NOMO1: variants seen among roughly 807,000 people sequenced by gnomAD.
NOMO1 encodes nodal modulator 3.
NOMO1 carries 40 observed loss-of-function variants against 133.8 expected under a neutral mutation model. The observed-to-expected ratio is 0.30, with a 90% CI of 0.23 to 0.39. The LOEUF (loss-of-function observed/expected upper bound fraction) is 0.39. Among genes scored for constraint, NOMO1 ranks in the 10% least tolerant of loss-of-function variants. NOMO1 has a pLI of 1.00. For synonymous variants in NOMO1, 236 were observed against 570.5 expected (o/e 0.41, Z 8.36); for missense variants, 462 against 1,419.9 (o/e 0.33, Z 10.84).
intron 28 of NOMO1, among the ~76,000 whole-genome samples, chr16:14,887,811 T>TA (rs774125441): frequency 3.9e-5 from 6 of 152,004 alleles, no homozygotes; most frequent in Non-Finnish European, 7.4e-5. Flanking sequence ...TTTAAGGAAA[T>TA]ACAGTTTCCT....
chr16:14,877,634 G>A (rs62038480), intron 22 of NOMO1, among the ~76,000 whole-genome samples: 26,583 of 148,518 alleles, frequency 0.18, 1 homozygote, highest in Non-Finnish European at 0.2. Context: ...TGCAAGTAAC[G>A]CAGGTGACTA....
chr16:14,893,513 C>A (rs1014480990), intron 29 of NOMO1, among the ~76,000 whole-genome samples: 15 of 151,988 alleles, frequency 9.9e-5, no homozygotes, highest in African/African-American at 3.6e-4. Context: ...TAAGTGTTTA[C>A]TTCAGTGGAA....
At position 14,887,630 on chromosome 16, in the gene NOMO1, G is replaced by A. The variant is rs1298176203; in HGVS notation, c.3324+768G>A. 3.9e-5 allele frequency among the ~76,000 whole-genome samples: 6 copies of A among 152,004 alleles called. No homozygotes were observed. The East Asian group carries it at 1.2e-3, about 29-fold the overall frequency. Reference sequence around the variant, plus strand: ...TTTCATACTATGATTTTTATGGACAGTAGTCCATAAACTAGGAAACGCCAT... The same window carrying A: ...TTTCATACTATGATTTTTATGGACAATAGTCCATAAACTAGGAAACGCCAT... On this transcript the variant is annotated intron_variant, in intron 28 of 30. Transcript: ENST00000287667.
At chr16:14,889,023 C>A (rs1352319526) in intron 28 of NOMO1, 73 bp from the exon 29 acceptor site, 1 of 1,610,336 alleles carries the variant, frequency 6.2e-7, no homozygotes, top group East Asian at 2.2e-5. Context: ...CACAGCCATA[C>A]GTTAGGTTTT....
intron 29 of NOMO1, 77 bp downstream of exon 29, chr16:14,889,292 G>A: frequency 1.2e-6 from 2 of 1,611,130 alleles, no homozygotes; most frequent in African/African-American, 2.7e-5. Flanking sequence ...AGCACTTTGG[G>A]AGGCCAAGGC....
chr16:14,888,243 A>G lies in NOMO1; in HGVS notation c.3325-853A>G, dbSNP rs1307344726. On this transcript the variant is annotated intron_variant, in intron 28 of 30. Transcript: ENST00000287667. The stretch of plus-strand genomic sequence containing the variant: ...GCCTTTCTCTGTGGAAAATGGCTGC[A>G]AAATAATGAAACAGGCTGTCACGGA... 9.9e-5 allele frequency: 15 copies of G among 151,846 alleles called. No homozygotes were observed. In the Middle Eastern group the frequency reaches 0.017, roughly 173 times the overall value. 9.4% of individuals were successfully genotyped at this position (151,846 alleles called of 1,614,324 possible). A position where few individuals can be genotyped will look rare whatever the true frequency, so the allele number is the denominator to read the frequency against.
At chr16:14,892,850 C>A (rs931904275) in intron 29 of NOMO1, among the ~76,000 whole-genome samples, 1 of 144,696 alleles carries the variant, frequency 6.9e-6, no homozygotes, top group Admixed American at 7.1e-5. Context: ...TGTCTCAAGC[C>A]ACATGGTTTC....
At chr16:14,856,875 G>A (rs901467442) in intron 9 of NOMO1, among the ~76,000 whole-genome samples, 1 of 151,878 alleles carries the variant, frequency 6.6e-6, no homozygotes, top group South Asian at 2.1e-4. Flanking sequence ...GGAGGAAGAC[G>A]TGGTTCACCA....
At chr16:14,836,417 C>T (rs1330399221) in intron 1 of NOMO1, among the ~76,000 whole-genome samples, 4 of 152,098 alleles carry the variant, frequency 2.6e-5, no homozygotes, top group Admixed American at 2.6e-4. Context: ...TGTACATCTT[C>T]TTAGCTGGTG....
Position 14,838,588 on chromosome 16 carries a change from G to A in NOMO1, c.255+92G>A, listed in dbSNP as rs995205099. ...CATGCCCTTTCCTACACTAGCAAAT[G>A]CTCATCTGTTTTGTAAATTATTAGT... On this transcript the variant is annotated intron_variant, in intron 2 of 30. Coordinates refer to ENST00000287667, the MANE Select transcript of NOMO1 (RefSeq NM_014287.4). 1.9e-5 allele frequency: 28 copies of A among 1,492,042 alleles called. No individual in the cohort carries two copies. The African/African-American group carries it at 3.9e-4, about 21-fold the overall frequency. The allele number at this position is 1,492,042 out of a possible 1,614,324, so 92.4% of individuals were successfully genotyped here. A position where few individuals can be genotyped will look rare whatever the true frequency, so the allele number is the denominator to read the frequency against.
intron 24 of NOMO1, among the ~76,000 whole-genome samples, 177 bp downstream of exon 24, chr16:14,880,319 C>CT: frequency 1.3e-5 from 2 of 150,256 alleles, no homozygotes; most frequent in Admixed American, 1.3e-4. Flanking sequence ...GGAGCTCAAC[C>CT]TGGTGGTTCA....
At chr16:14,846,491 C>G in intron 4 of NOMO1, 86 bp from the exon 5 acceptor site, 1 of 572,168 alleles carries the variant, frequency 1.7e-6, no homozygotes, top group South Asian at 2.1e-5. Context: ...TTCCTGGGCT[C>G]CACCTGGGAG....
chr16:14,851,769 A>G, intron 6 of NOMO1, among the ~76,000 whole-genome samples: 1 of 61,780 alleles, frequency 1.6e-5, no homozygotes, highest in East Asian at 3.5e-4. Context: ...AAAATATGTA[A>G]GGAGGCAGCT....
intron 16 of NOMO1, 21 bp downstream of exon 16, chr16:14,868,656 G>A (rs1202550063): frequency 5.3e-6 from 8 of 1,506,806 alleles, no homozygotes; most frequent in Non-Finnish European, 7.4e-6. Context: ...AAGGATTGAT[G>A]TGCCATGAAT....
At chr16:14,886,684 T>G in intron 27 of NOMO1, 77 bp from the exon 28 acceptor site, 1 of 1,609,858 alleles carries the variant, frequency 6.2e-7, no homozygotes, top group Middle Eastern at 2.3e-4. Flanking sequence ...AGAAAGCGGC[T>G]GTCCTGAGGA....
Position 14,847,909 on chromosome 16 carries a change from AT to A in NOMO1, c.510-982del, listed in dbSNP as rs1344230707. ...TGTGTAGCAGGAATATGAAGCTGTA[AT>A]TTTTTTTCTGGGCTAGTAATTTGGT... On this transcript the variant is annotated intron_variant, in intron 5 of 30. Coordinates refer to ENST00000287667, the MANE Select transcript of NOMO1 (RefSeq NM_014287.4). Among the ~76,000 whole-genome samples, 3 of 151,688 alleles carry A rather than the reference AT, an allele frequency of 2.0e-5. No individual in the cohort carries two copies. The South Asian group carries it at 6.3e-4, about 32-fold the overall frequency.
chr16:14,866,656 A>C lies in NOMO1; in HGVS notation c.1771A>C (p.Met591Leu). 1 of 1,610,136 alleles carries C rather than the reference A, an allele frequency of 6.2e-7. No individual in the cohort carries two copies. Among genetic ancestry groups the C allele is most frequent in the East Asian group, 2.2e-5 (1 of 44,554 alleles). ...AGTTGAGTTCAGGCAGACGGGCTAC[A>C]TGCTGAGATGTTCCCTGTCTCACGC... ...SAVEFRQTGYMLRCSLSHAIT... is the reference protein window; with the variant it reads ...SAVEFRQTGYLLRCSLSHAIT... The change falls in exon 15 of 31, where the codon ATG (methionine) becomes CTG (leucine). Residue 591 changes from methionine to leucine, a missense_variant. Physicochemically the swap from Met to Leu is conservative, Grantham distance 15. Coordinates refer to ENST00000287667, the MANE Select transcript of NOMO1 (RefSeq NM_014287.4).
chr16:14,844,846 G>A (rs1963656692), intron 4 of NOMO1, 72 bp downstream of exon 4: 1 of 475,774 alleles, frequency 2.1e-6, no homozygotes, highest in East Asian at 4.2e-5. Context: ...TTAAAAAAAT[G>A]CAGGATATTT....
At chr16:14,872,014 A>C (rs1413997210) in intron 17 of NOMO1, among the ~76,000 whole-genome samples, 5 of 152,020 alleles carry the variant, frequency 3.3e-5, no homozygotes, top group African/African-American at 7.3e-5. Flanking sequence ...TTTTTACAGA[A>C]GTGTGTGGGT....
Sources: allele counts gnomAD v4.1 joint callset (sites outside exome capture counted in the v4.1 genomes callset), GRCh38; gene constraint gnomAD v4.1.1; transcripts MANE v1.5; gene names NCBI Gene and HGNC (gene_info 2026-07-23, HGNC 2026-07-21).